The following TENM4 variants were observed in gnomAD, a reference collection of about 807,000 sequenced individuals.
TENM4 encodes the protein teneurin-4.
In TENM4, 82 loss-of-function variants were observed where a neutral mutation model predicts 243.3. The ratio of observed to expected loss-of-function variants is 0.34; its 90% CI spans 0.28 to 0.40. The LOEUF (loss-of-function observed/expected upper bound fraction) is 0.40, where lower values mean the gene tolerates loss of function less well. Ranked by LOEUF, TENM4 falls within the 10% of genes least tolerant of loss-of-function variation. TENM4 has a pLI of 1.00. For synonymous variants in TENM4, 1,412 were observed against 1,456.3 expected (o/e 0.97, Z 0.69); for missense variants, 3,138 against 3,673.3 (o/e 0.85, Z 3.77).
intron 12 of TENM4, among the ~76,000 whole-genome samples, chr11:78,827,438 C>A (rs1421165667): frequency 6.6e-6 from 1 of 151,998 alleles, no homozygotes; most frequent in Non-Finnish European, 1.5e-5. Context: ...TCCCACTTAT[C>A]CGCTTGTCCA....
At chr11:78,954,399 G>T (rs1452795194) in intron 6 of TENM4, among the ~76,000 whole-genome samples, 1 of 152,224 alleles carries the variant, frequency 6.6e-6, no homozygotes, top group African/African-American at 2.4e-5. Context: ...GTGATTTCAG[G>T]TGATTACAGT....
At chr11:79,423,306 A>G (rs1407565456) in intron 1 of TENM4, among the ~76,000 whole-genome samples, 1 of 124,526 alleles carries the variant, frequency 8.0e-6, no homozygotes, top group Non-Finnish European at 1.7e-5. Context: ...CACCCCCGCC[A>G]TTGTACAGAT....
In TENM4 at chr11:79,050,184, C is replaced by T. The variant is rs186066825; in HGVS notation, c.493+14554G>A. 1.5e-4 allele frequency among the ~76,000 whole-genome samples: 23 copies of T among 152,310 alleles called. No homozygotes were observed. The East Asian group carries it at 4.1e-3, about 27-fold the overall frequency. Reference sequence around the variant, plus strand: ...GGCATTGTGAGCTATTATGCACTCCCTAAATGTGAATAATAATGGCCAGGC... The same window carrying T: ...GGCATTGTGAGCTATTATGCACTCCTTAAATGTGAATAATAATGGCCAGGC... On this transcript the variant is annotated intron_variant, in intron 6 of 33. Coordinates refer to ENST00000278550, the MANE Select transcript of TENM4 (RefSeq NM_001098816.3).
intron 3 of TENM4, among the ~76,000 whole-genome samples, chr11:79,201,109 G>A (rs72937309): frequency 0.027 from 4,068 of 152,280 alleles, 80 homozygotes; most frequent in Non-Finnish European, 0.039. Context: ...TCCAGAAGTA[G>A]GACATCACAC....
At position 79,155,491 on chromosome 11, in the gene TENM4, G is replaced by A. The variant is rs1004094227; in HGVS notation, c.-162-6685C>T. Among the ~76,000 whole-genome samples the A allele has an allele frequency of 4.6e-5, 7 of 151,984 alleles. No homozygotes were observed. The East Asian group carries it at 5.8e-4, about 13-fold the overall frequency. On this transcript the variant is annotated intron_variant, in intron 3 of 33. Transcript: ENST00000278550. ...TTCCTCATATTAACCCCAGAGCAAC[G>A]TCAACCTATCAAGATAGACTCCAGA...
At chr11:79,178,832 C>T (rs146222424) in intron 3 of TENM4, among the ~76,000 whole-genome samples, 279 of 152,254 alleles carry the variant, frequency 1.8e-3, no homozygotes, top group African/African-American at 6.4e-3. Flanking sequence ...GCCATCACCC[C>T]CATGAAGCCA....
chr11:79,249,701 C>T (rs1855576971), intron 2 of TENM4, among the ~76,000 whole-genome samples: 1 of 152,230 alleles, frequency 6.6e-6, no homozygotes, highest in South Asian at 2.1e-4. Flanking sequence ...TAAAACCAGA[C>T]ACTTGGATTT....
chr11:79,218,338 T>C (rs1280749209), intron 2 of TENM4, among the ~76,000 whole-genome samples: 3 of 148,596 alleles, frequency 2.0e-5, no homozygotes, highest in Non-Finnish European at 4.5e-5. Flanking sequence ...TTCTCTGGTG[T>C]TGGGGCTCTC....
intron 1 of TENM4, among the ~76,000 whole-genome samples, chr11:79,303,435 A>G (rs573078933): frequency 1.8e-4 from 27 of 152,248 alleles, no homozygotes; most frequent in Non-Finnish European, 3.8e-4. Flanking sequence ...GTAAAGGCTC[A>G]ACAAATGTTG....
In TENM4 at chr11:78,658,563, T is replaced by G. The variant is rs768170165; in HGVS notation, c.7805A>C (p.His2602Pro). ...RRVAAILNHAHYLENLHFTID... is the reference protein window; with the variant it reads ...RRVAAILNHAPYLENLHFTID... ...GGTGAAGTGCAGGTTCTCTAGGTAG[T>G]GGGCATGGTTCAAGATGGCAGCAAC... The change falls in exon 34 of 34, where the codon CAC becomes CCC. Residue 2602 changes from histidine to proline, a missense_variant. By Grantham distance (77) the His-to-Pro change is moderately conservative. Around this residue, in one of 2 missense-constraint regions of TENM4, gnomAD observed 2,467 missense variants for 3,059.1 expected, o/e 0.81. Coordinates refer to ENST00000278550, the MANE Select transcript of TENM4 (RefSeq NM_001098816.3). 17 of 1,614,026 alleles carry G rather than the reference T, an allele frequency of 1.1e-5. No homozygotes were observed. Among genetic ancestry groups the G allele is most frequent in the African/African-American group, 1.3e-5 (1 of 75,064 alleles).
intron 7 of TENM4, among the ~76,000 whole-genome samples, chr11:78,894,982 A>AG (rs1855754789): frequency 4.3e-5 from 2 of 46,832 alleles, no homozygotes; most frequent in Non-Finnish European, 9.0e-5. Context: ...TCGGCCTTAA[A>AG]AAAAAAAAAA....
At chr11:78,775,757 C>T (rs1299390453) in intron 17 of TENM4, among the ~76,000 whole-genome samples, 1 of 152,206 alleles carries the variant, frequency 6.6e-6, no homozygotes. Flanking sequence ...GAAAGACTCA[C>T]ACCAGGCATT....
intron 23 of TENM4, among the ~76,000 whole-genome samples, chr11:78,725,262 T>C (rs1015512448): frequency 6.6e-6 from 1 of 152,228 alleles, no homozygotes; most frequent in African/African-American, 2.4e-5. Context: ...CTGTATTCTA[T>C]CGTAAATTTT....
At chr11:79,388,549 T>G (rs2135536668) in intron 1 of TENM4, among the ~76,000 whole-genome samples, 1 of 152,264 alleles carries the variant, frequency 6.6e-6, no homozygotes, top group South Asian at 2.1e-4. Flanking sequence ...CCCCACTAGA[T>G]CTGGCTCCTT....
intron 2 of TENM4, among the ~76,000 whole-genome samples, chr11:79,241,995 C>G (rs1277574442): frequency 6.6e-6 from 1 of 152,198 alleles, no homozygotes; most frequent in African/African-American, 2.4e-5. Context: ...AGCCATAAGG[C>G]AACCAGCCCG....
At chr11:79,331,862 A>G (rs1189408296) in intron 1 of TENM4, among the ~76,000 whole-genome samples, 4 of 152,360 alleles carry the variant, frequency 2.6e-5, no homozygotes, top group South Asian at 2.1e-4. Flanking sequence ...TAATGGCTCT[A>G]GTTCCAGCAG....
chr11:79,018,469 T>TCC (rs1209059620), intron 6 of TENM4, among the ~76,000 whole-genome samples: 2 of 150,974 alleles, frequency 1.3e-5, no homozygotes, highest in Non-Finnish European at 3.0e-5. Flanking sequence ...CACACACACA[T>TCC]CCCCCCACAC....
chr11:79,061,940 T>C (rs2136974814), intron 6 of TENM4, among the ~76,000 whole-genome samples: 1 of 151,262 alleles, frequency 6.6e-6, no homozygotes, highest in South Asian at 2.1e-4. Context: ...GCACTGTGCT[T>C]AGGTTGAGAT....
Position 79,121,657 on chromosome 11 carries a change from C to A in TENM4, c.-66+27053G>T, listed in dbSNP as rs945868492. 2.0e-5 allele frequency among the ~76,000 whole-genome samples: 3 copies of A among 152,194 alleles called. No homozygotes were observed. The South Asian group carries it at 6.2e-4, about 31-fold the overall frequency. On this transcript the variant is annotated intron_variant, in intron 4 of 33. Coordinates refer to ENST00000278550, the MANE Select transcript of TENM4 (RefSeq NM_001098816.3). Reference sequence around the variant, plus strand: ...TGAGCAAGTAGTGTCCAATTACATCCCAGTGATCTGTCTGTGGCCACTGCA... The same window carrying A: ...TGAGCAAGTAGTGTCCAATTACATCACAGTGATCTGTCTGTGGCCACTGCA...
Sources: gnomAD v4.1 joint callset for allele counts (sites outside exome capture counted in the v4.1 genomes callset) on GRCh38, gnomAD v4.1.1 for gene constraint, gnomAD v4.1.1 regional missense constraint, MANE v1.5 for transcripts, NCBI Gene and HGNC (gene_info 2026-07-23, HGNC 2026-07-21) for gene names.